Variants in SYNPR observed in about 807,000 individuals in gnomAD.
The protein encoded by SYNPR is synaptoporin.
A neutral mutation model predicts 32.9 loss-of-function variants in SYNPR; 23 were observed. The observed-to-expected ratio is 0.70, with a 90% CI of 0.50 to 0.99. The LOEUF is 0.99. Ranked by LOEUF, SYNPR falls within the 50% of genes least tolerant of loss-of-function variation. The pLI is 0.00. For missense variants in SYNPR, 318 were observed against 349.3 expected, an observed-to-expected ratio of 0.91 and a Z score of 0.71; for synonymous variants, 146 against 135.9, an observed-to-expected ratio of 1.07 and a Z score of -0.52.
chr3:63,203,866 G>A, the SYNPR span, among the ~76,000 whole-genome samples: 1 of 152,092 alleles, frequency 6.6e-6, no homozygotes, highest in Non-Finnish European at 1.5e-5. Flanking sequence ...GGAAGTGGTG[G>A]TGGATGCCTG....
intron 2 of SYNPR, among the ~76,000 whole-genome samples, chr3:63,300,321 C>A: frequency 8.2e-6 from 1 of 121,722 alleles, no homozygotes; most frequent in Non-Finnish European, 1.8e-5. Flanking sequence ...AATTCTAGAA[C>A]ATTCTTTGCT....
At chr3:63,416,442 G>A (rs933435124) in intron 2 of SYNPR, among the ~76,000 whole-genome samples, 3 of 149,312 alleles carry the variant, frequency 2.0e-5, no homozygotes, top group Non-Finnish European at 4.4e-5. Flanking sequence ...TGAGGTGGGC[G>A]AATTGCTTGA....
At chr3:63,340,416 T>A (rs909515712) in intron 2 of SYNPR, among the ~76,000 whole-genome samples, 1 of 113,542 alleles carries the variant, frequency 8.8e-6, no homozygotes, top group Non-Finnish European at 1.8e-5. Context: ...TTAAAAAAAA[T>A]GTATTTTTTT....
chr3:63,551,153 A>G (rs1185889451), intron 3 of SYNPR, among the ~76,000 whole-genome samples: 1 of 152,258 alleles, frequency 6.6e-6, no homozygotes, highest in Non-Finnish European at 1.5e-5. Flanking sequence ...AACACTTTAT[A>G]GAAATGGAAT....
intron 5 of SYNPR, among the ~76,000 whole-genome samples, chr3:63,611,230 G>C (rs1181258930): frequency 6.6e-6 from 1 of 152,210 alleles, no homozygotes. Context: ...GCAGAATCTA[G>C]AGCAGAATGA....
chr3:63,327,522 C>A (rs376146738), intron 2 of SYNPR, among the ~76,000 whole-genome samples: 2 of 152,022 alleles, frequency 1.3e-5, no homozygotes, highest in East Asian at 3.9e-4. Context: ...GTGTTCATAA[C>A]AGAATTTATA....
chr3:63,389,704 T>A (rs181075224), intron 2 of SYNPR, among the ~76,000 whole-genome samples: 64 of 152,296 alleles, frequency 4.2e-4, no homozygotes, highest in African/African-American at 1.3e-3. Flanking sequence ...GCTGCCACCA[T>A]AAAATGGATA....
At chr3:63,543,239 C>T (rs7625715) in intron 3 of SYNPR, among the ~76,000 whole-genome samples, 5,682 of 152,034 alleles carry the variant, frequency 0.037, 343 homozygotes, top group African/African-American at 0.13. Flanking sequence ...ATGCATCCCT[C>T]GAAAGAGTTT....
chr3:63,354,115 CT>C (rs1319307536), intron 2 of SYNPR, among the ~76,000 whole-genome samples: 1 of 152,174 alleles, frequency 6.6e-6, no homozygotes, highest in Admixed American at 6.5e-5. Flanking sequence ...ATAATAATAA[CT>C]GTCTTATAGA....
chr3:63,565,382 A>C (rs532522347), intron 4 of SYNPR, among the ~76,000 whole-genome samples: 4 of 152,102 alleles, frequency 2.6e-5, no homozygotes, highest in African/African-American at 7.2e-5. Context: ...AGCAGGTTCT[A>C]TTGCTTGGTG....
chr3:63,472,640 A>G (rs1226112990), intron 2 of SYNPR, among the ~76,000 whole-genome samples: 1 of 152,258 alleles, frequency 6.6e-6, no homozygotes, highest in East Asian at 1.9e-4. Context: ...GGGGAATACA[A>G]AGATGCTGAA....
chr3:63,500,881 G>T (rs1184547464), intron 3 of SYNPR, among the ~76,000 whole-genome samples: 5 of 152,058 alleles, frequency 3.3e-5, no homozygotes, highest in South Asian at 4.1e-4. Context: ...ACATAGTGTG[G>T]TATAGACAAG....
At position 63,413,072 on chromosome 3, in the gene SYNPR, C is replaced by T. The variant is rs991793221; in HGVS notation, c.85-67760C>T. ...CACAACAATTGAAAAATACACAAAT[C>T]AGTGTACTATTATACTTTATTCTTT... is the stretch of plus-strand genomic sequence containing the variant. On this transcript the variant is annotated intron_variant, in intron 2 of 5. Coordinates refer to ENST00000478300, the MANE Select transcript of SYNPR (RefSeq NM_001130003.2). 1.4e-4 allele frequency among the ~76,000 whole-genome samples: 22 copies of T among 152,244 alleles called. 1 individual carries two copies. Among genetic ancestry groups the T allele is most frequent in the Admixed American group, 1.2e-3 (18 of 15,284 alleles).
intron 2 of SYNPR, among the ~76,000 whole-genome samples, chr3:63,374,020 T>C (rs967086430): frequency 1.3e-5 from 2 of 152,192 alleles, no homozygotes; most frequent in African/African-American, 2.4e-5. Context: ...CCTTTTCCGA[T>C]AAGCAAATGC....
intron 4 of SYNPR, among the ~76,000 whole-genome samples, chr3:63,600,668 T>C (rs2106891391): frequency 6.6e-6 from 1 of 152,322 alleles, no homozygotes; most frequent in African/African-American, 2.4e-5. Flanking sequence ...TGAGATCTGA[T>C]GGTTTTATAA....
At chr3:63,308,791 T>C (rs995930467) in intron 2 of SYNPR, among the ~76,000 whole-genome samples, 1 of 151,968 alleles carries the variant, frequency 6.6e-6, no homozygotes, top group Non-Finnish European at 1.5e-5. Context: ...TACTTTGGTA[T>C]GGTTTTCTTC....
intron 2 of SYNPR, among the ~76,000 whole-genome samples, chr3:63,358,120 C>T (rs1054735696): frequency 2.6e-5 from 4 of 152,172 alleles, no homozygotes; most frequent in African/African-American, 7.2e-5. Context: ...CATCTTGTTA[C>T]ACCTAGGAAG....
At chr3:63,225,896 A>T (rs11130918), upstream of SYNPR, among the ~76,000 whole-genome samples, 81,468 of 151,782 alleles carry the variant, frequency 0.54, 22,128 homozygotes, top group Middle Eastern at 0.66. Context: ...ATATTTGCAA[A>T]CTATTAATAT....
At chr3:63,209,037 G>C in the SYNPR span, among the ~76,000 whole-genome samples, 2 of 151,390 alleles carry the variant, frequency 1.3e-5, no homozygotes, top group Non-Finnish European at 2.9e-5. Context: ...TTGATGAAAA[G>C]AATGAAAAAA....
Sources: gnomAD v4.1 joint callset for allele counts (sites outside exome capture counted in the v4.1 genomes callset) on GRCh38, gnomAD v4.1.1 for gene constraint, MANE v1.5 for transcripts, NCBI Gene and HGNC (gene_info 2026-07-23, HGNC 2026-07-21) for gene names.